The following FOXP2 variants were observed in gnomAD, a reference collection of about 807,000 sequenced individuals.
FOXP2 encodes forkhead box P2.
In FOXP2, 12 loss-of-function variants were observed where a neutral mutation model predicts 115.8. That is an observed-to-expected ratio of 0.10 (90% CI 0.07 to 0.17). FOXP2 has a LOEUF of 0.17. Ranked by LOEUF, FOXP2 falls within the 10% of genes least tolerant of loss-of-function variation. The pLI is 1.00. For missense variants in FOXP2, 629 were observed against 843.5 expected, an observed-to-expected ratio of 0.75 and a Z score of 3.15; for synonymous variants, 328 against 297.7, an observed-to-expected ratio of 1.10 and a Z score of -1.05.
At chr7:114,633,929 G>A (rs947302271) in intron 6 of FOXP2, among the ~76,000 whole-genome samples, 4 of 151,914 alleles carry the variant, frequency 2.6e-5, no homozygotes, top group African/African-American at 9.7e-5. Flanking sequence ...TTGAAAAATA[G>A]CCATATAAAA....
In FOXP2 at chr7:114,416,694, G is replaced by A. The variant is rs115091566; in HGVS notation, c.-11+1334G>A. 3.6e-3 allele frequency among the ~76,000 whole-genome samples: 551 copies of A among 151,938 alleles called. 5 individuals are homozygous for A. Among genetic ancestry groups the A allele is most frequent in the African/African-American group, 0.013 (527 of 41,464 alleles). On this transcript the variant is annotated intron_variant, in intron 1 of 16. Transcript: ENST00000350908. Reference sequence around the variant, plus strand: ...GTTGATTCATAATGCCCTTTTAAAGGCATATTTATTTGTCTTTACAGTCAG... The same window carrying A: ...GTTGATTCATAATGCCCTTTTAAAGACATATTTATTTGTCTTTACAGTCAG...
At position 114,319,658 on chromosome 7, in the gene FOXP2, C is replaced by T. The variant is rs183353832; in HGVS notation, c.-11+31549C>T. On this transcript the variant is annotated intron_variant, in intron 2 of 17. Coordinates refer to the FOXP2 transcript ENST00000634411. ...AAGACCCACCCCCATGAATCAGTCA[C>T]CTCCCACTGGGTCCCTCCCACAACA... 1.0e-3 allele frequency among the ~76,000 whole-genome samples: 152 copies of T among 152,242 alleles called. 1 individual carries two copies. The highest frequency in any genetic ancestry group is 7.2e-4 in the Non-Finnish European group (49 of 68,016).
chr7:114,155,438 A>T (rs1288955534), intron 1 of FOXP2, among the ~76,000 whole-genome samples: 2 of 152,146 alleles, frequency 1.3e-5, no homozygotes. Flanking sequence ...GACCCTTAAA[A>T]TAATTAAAGT....
chr7:114,644,569 A>C, intron 7 of FOXP2, 116 bp from the exon 8 acceptor site: 1 of 794,098 alleles, frequency 1.3e-6, no homozygotes, highest in Non-Finnish European at 2.2e-6. Context: ...GACTGCTCTG[A>C]GCTGAATTGA....
chr7:114,615,127 G>A (rs978457957), intron 3 of FOXP2, among the ~76,000 whole-genome samples: 21 of 152,208 alleles, frequency 1.4e-4, no homozygotes, highest in African/African-American at 4.3e-4. Flanking sequence ...GCTGAGTCAG[G>A]AAAATCATTT....
intron 2 of FOXP2, among the ~76,000 whole-genome samples, chr7:114,298,734 C>G (rs948900520): frequency 2.6e-5 from 4 of 152,170 alleles, no homozygotes; most frequent in African/African-American, 7.2e-5. Flanking sequence ...AACTTCTCTT[C>G]TCATGTGGTT....
rs376733338 is a variant in FOXP2 at position 114,471,198 on chromosome 7, C to G, written c.168+44519C>G. 1.8e-4 allele frequency among the ~76,000 whole-genome samples: 28 copies of G among 152,236 alleles called. No individual in the cohort carries two copies. In the South Asian group the frequency reaches 5.4e-3, roughly 29 times the overall value. Reference sequence around the variant, plus strand: ...TCAATTATAGTGTATAGAATAATAACAGCTAATAAAATTTAAAAATAATTG... The same window carrying G: ...TCAATTATAGTGTATAGAATAATAAGAGCTAATAAAATTTAAAAATAATTG... On this transcript the variant is annotated intron_variant, in intron 2 of 16. Transcript: ENST00000350908.
chr7:114,601,901 G>GA (rs1307803521), intron 3 of FOXP2, among the ~76,000 whole-genome samples: 1 of 151,696 alleles, frequency 6.6e-6, no homozygotes, highest in Non-Finnish European at 1.5e-5. Flanking sequence ...ATATATACTA[G>GA]AAAAAAAGTA....
chr7:114,354,129 AAT>A (rs1483168948), intron 2 of FOXP2, among the ~76,000 whole-genome samples: 1 of 152,118 alleles, frequency 6.6e-6, no homozygotes, highest in Non-Finnish European at 1.5e-5. Flanking sequence ...AGAATAGGGG[AAT>A]ATGATTCCTG....
intron 1 of FOXP2, among the ~76,000 whole-genome samples, chr7:114,219,017 C>T (rs1794553856): frequency 6.6e-6 from 1 of 152,068 alleles, no homozygotes. Context: ...TGAGTTCAGG[C>T]AAGAAACATA....
At chr7:114,510,145 T>C (rs1344641904) in intron 2 of FOXP2, among the ~76,000 whole-genome samples, 2 of 152,182 alleles carry the variant, frequency 1.3e-5, no homozygotes, top group Admixed American at 6.6e-5. Context: ...CATGTTGCTA[T>C]ATCCTATTTT....
intron 3 of FOXP2, among the ~76,000 whole-genome samples, chr7:114,589,377 AG>A (rs1267628853): frequency 6.6e-6 from 1 of 152,158 alleles, no homozygotes; most frequent in African/African-American, 2.4e-5. Context: ...TCCCTTAAAA[AG>A]GGGATGTGTT....
upstream of FOXP2, among the ~76,000 whole-genome samples, chr7:114,160,152 A>G (rs1792791857): frequency 6.6e-6 from 1 of 152,116 alleles, no homozygotes; most frequent in Non-Finnish European, 1.5e-5. Flanking sequence ...TTAGAGTAAT[A>G]TTTTTAGGTT....
intron 2 of FOXP2, among the ~76,000 whole-genome samples, chr7:114,312,728 A>G (rs1797176223): frequency 6.6e-6 from 1 of 152,200 alleles, no homozygotes; most frequent in African/African-American, 2.4e-5. Context: ...AGCAATGTCT[A>G]CAGCCCAGAT....
chr7:114,320,525 A>G (rs967366159), intron 2 of FOXP2, among the ~76,000 whole-genome samples: 3 of 152,288 alleles, frequency 2.0e-5, no homozygotes, highest in Admixed American at 6.5e-5. Flanking sequence ...TTCTGGCACC[A>G]CATTCAATAC....
intron 1 of FOXP2, among the ~76,000 whole-genome samples, chr7:114,223,403 G>T (rs1248500219): frequency 2.0e-5 from 3 of 148,156 alleles, no homozygotes; most frequent in Non-Finnish European, 4.5e-5. Flanking sequence ...GGATATTCAT[G>T]TTTTTTTTGT....
intron 10 of FOXP2, among the ~76,000 whole-genome samples, chr7:114,657,536 A>G (rs928395582): frequency 2.0e-5 from 3 of 152,198 alleles, no homozygotes; most frequent in Non-Finnish European, 2.9e-5. Context: ...AATATGTAGT[A>G]ATGTCATTAC....
chr7:114,109,889 G>A (rs974002266), intron 1 of FOXP2, among the ~76,000 whole-genome samples: 3 of 152,220 alleles, frequency 2.0e-5, no homozygotes, highest in South Asian at 4.1e-4. Context: ...TAGGATTTGA[G>A]CATTTGCTGT....
intron 1 of FOXP2, among the ~76,000 whole-genome samples, chr7:114,096,513 C>G (rs536094487): frequency 6.6e-6 from 1 of 152,262 alleles, no homozygotes; most frequent in South Asian, 2.1e-4. Context: ...ATATTCTACA[C>G]ACAGTAAAAC....
Sources: gnomAD v4.1 joint callset for allele counts (sites outside exome capture counted in the v4.1 genomes callset) on GRCh38, gnomAD v4.1.1 for gene constraint, MANE v1.5 for transcripts, NCBI Gene and HGNC (gene_info 2026-07-23, HGNC 2026-07-21) for gene names.